RAB38: variants seen among roughly 807,000 people sequenced by gnomAD.
RAB38 encodes ras-related protein Rab-38.
A neutral mutation model predicts 18.4 loss-of-function variants in RAB38; 15 were observed. The observed-to-expected ratio is 0.82, with a 90% CI of 0.55 to 1.26. The LOEUF (loss-of-function observed/expected upper bound fraction) is 1.26. Among genes scored for constraint, RAB38 ranks in the 50% most tolerant of loss-of-function variants. RAB38 has a pLI of 0.00. For synonymous variants in RAB38, 101 were observed against 104.4 expected, an observed-to-expected ratio of 0.97 and a Z score of 0.20; for missense variants, 294 against 267.4, an observed-to-expected ratio of 1.10 and a Z score of -0.69.
intron 1 of RAB38, among the ~76,000 whole-genome samples, chr11:88,159,498 T>C (rs1943163964): frequency 1.3e-5 from 2 of 151,660 alleles, no homozygotes; most frequent in African/African-American, 2.4e-5. Flanking sequence ...AAAATTCTTA[T>C]GGAATTAAAA....
the RAB38 span, among the ~76,000 whole-genome samples, chr11:87,821,604 C>G: frequency 3.3e-5 from 5 of 152,232 alleles, no homozygotes; most frequent in South Asian, 1.0e-3. Flanking sequence ...AATCCTAGCA[C>G]TTTGGGAGGC....
At chr11:88,145,338 G>A (rs926810175) in intron 2 of RAB38, among the ~76,000 whole-genome samples, 5 of 151,942 alleles carry the variant, frequency 3.3e-5, no homozygotes, top group Non-Finnish European at 7.4e-5. Flanking sequence ...TAGTAGAGAC[G>A]GGGTTTCACC....
At chr11:88,136,515 C>A (rs190664661) in intron 2 of RAB38, among the ~76,000 whole-genome samples, 5 of 152,256 alleles carry the variant, frequency 3.3e-5, no homozygotes, top group African/African-American at 4.8e-5. Context: ...AGCCACTCTG[C>A]CCAGGGTTGA....
At chr11:88,129,513 T>C (rs1351050991) in intron 2 of RAB38, among the ~76,000 whole-genome samples, 1 of 152,060 alleles carries the variant, frequency 6.6e-6, no homozygotes, top group Non-Finnish European at 1.5e-5. Flanking sequence ...TGGTGGCATG[T>C]GCGTGTAAAC....
At chr11:87,958,428 A>G in the RAB38 span, among the ~76,000 whole-genome samples, 1 of 152,162 alleles carries the variant, frequency 6.6e-6, no homozygotes, top group South Asian at 2.1e-4. Flanking sequence ...AAGCTAAGAA[A>G]GTCTCCAACC....
intron 1 of RAB38, chr11:88,173,716 T>C (rs867468840): frequency 1.6e-5 from 16 of 985,058 alleles, no homozygotes; most frequent in Middle Eastern, 1.0e-3. Context: ...ACAGAGAGAA[T>C]TTTTTTAGAT....
the RAB38 span, among the ~76,000 whole-genome samples, chr11:87,811,880 G>C: frequency 1.3e-5 from 2 of 152,118 alleles, no homozygotes; most frequent in South Asian, 4.1e-4. Flanking sequence ...ATTGAAATTG[G>C]GGAGAAAATG....
At chr11:87,826,080 A>G in the RAB38 span, among the ~76,000 whole-genome samples, 1 of 152,090 alleles carries the variant, frequency 6.6e-6, no homozygotes, top group Non-Finnish European at 1.5e-5. Flanking sequence ...TAGAAAGACA[A>G]TAGATGTTTA....
At chr11:87,869,396 A>C in the RAB38 span, among the ~76,000 whole-genome samples, 1 of 151,668 alleles carries the variant, frequency 6.6e-6, no homozygotes, top group East Asian at 1.9e-4. Context: ...CTTGGTCAGT[A>C]TTCCTTGAGA....
the RAB38 span, among the ~76,000 whole-genome samples, chr11:87,868,587 G>GAT: frequency 2.4e-4 from 5 of 20,960 alleles, no homozygotes; most frequent in Non-Finnish European, 1.1e-4. Flanking sequence ...GGGAGAGAGA[G>GAT]AGAGAGAGAG....
intron 1 of RAB38, among the ~76,000 whole-genome samples, chr11:88,152,090 G>T (rs1226303195): frequency 6.6e-6 from 1 of 152,100 alleles, no homozygotes; most frequent in South Asian, 2.1e-4. Context: ...AATACCTGGT[G>T]CAAACAGTGA....
At chr11:88,033,019 C>T in the RAB38 span, among the ~76,000 whole-genome samples, 1 of 152,062 alleles carries the variant, frequency 6.6e-6, no homozygotes, top group African/African-American at 2.4e-5. Context: ...AAATGTGGCA[C>T]ATATACACCA....
chr11:87,885,548 A>G, the RAB38 span, among the ~76,000 whole-genome samples: 1 of 152,020 alleles, frequency 6.6e-6, no homozygotes, highest in Non-Finnish European at 1.5e-5. Flanking sequence ...AATGCCTGAC[A>G]CTGGAACCCT....
the RAB38 span, among the ~76,000 whole-genome samples, chr11:87,852,251 T>C: frequency 6.6e-6 from 1 of 152,130 alleles, no homozygotes; most frequent in South Asian, 2.1e-4. Context: ...ACCTACTCTA[T>C]GGGAGAAGGT....
At chr11:87,930,435 G>A in the RAB38 span, among the ~76,000 whole-genome samples, 2 of 152,002 alleles carry the variant, frequency 1.3e-5, no homozygotes, top group African/African-American at 4.8e-5. Context: ...TTGTAAATTT[G>A]TTTGAGTTCA....
intron 2 of RAB38, among the ~76,000 whole-genome samples, chr11:88,144,936 C>T (rs1180182214): frequency 2.0e-5 from 3 of 152,164 alleles, no homozygotes; most frequent in African/African-American, 4.8e-5. Context: ...TGATCCACTC[C>T]ATTATGTGAG....
intron 2 of RAB38, among the ~76,000 whole-genome samples, chr11:88,121,706 G>T (rs902126120): frequency 2.0e-5 from 3 of 152,186 alleles, no homozygotes; most frequent in Non-Finnish European, 4.4e-5. Context: ...GGGACTACAG[G>T]CGCCCGCCGC....
the RAB38 span, among the ~76,000 whole-genome samples, chr11:87,970,645 T>C: frequency 6.6e-6 from 1 of 152,084 alleles, no homozygotes; most frequent in Non-Finnish European, 1.5e-5. Flanking sequence ...AAACTGATGA[T>C]CTACAATATC....
the RAB38 span, among the ~76,000 whole-genome samples, chr11:87,823,692 T>C: frequency 6.6e-6 from 1 of 152,110 alleles, no homozygotes; most frequent in African/African-American, 2.4e-5. Context: ...GGAACGCAAA[T>C]GGTCGTAGCA....
Sources: allele counts gnomAD v4.1 joint callset (sites outside exome capture counted in the v4.1 genomes callset), GRCh38; gene constraint gnomAD v4.1.1; transcripts MANE v1.5; gene names NCBI Gene and HGNC (gene_info 2026-07-23, HGNC 2026-07-21).